The following COMMD10 variants were observed in gnomAD, a reference collection of about 807,000 sequenced individuals.
The protein encoded by COMMD10 is COMM domain containing 10, also known as COMM domain-containing protein 10.
Under a neutral mutation model 28.9 loss-of-function variants are expected in COMMD10, and 33 were observed. The ratio of observed to expected loss-of-function variants is 1.14; its 90% CI spans 0.87 to 1.53. COMMD10 has a LOEUF of 1.53. Among genes scored for constraint, COMMD10 ranks in the 40% most tolerant of loss-of-function variants. COMMD10 has a pLI of 0.00. For missense variants in COMMD10, 310 were observed against 233.4 expected (o/e 1.33, Z -2.14); for synonymous variants, 110 against 81.7 (o/e 1.35, Z -1.87).
intron 5 of COMMD10, among the ~76,000 whole-genome samples, chr5:116,171,349 G>C (rs573262921): frequency 7.9e-5 from 12 of 152,206 alleles, no homozygotes; most frequent in Non-Finnish European, 1.3e-4. Context: ...AGAGGGTGTG[G>C]AGAAATAGAA....
In COMMD10 at chr5:116,109,636, T is replaced by C. The variant is rs114414934; in HGVS notation, c.399+16936T>C. 3.0e-3 allele frequency among the ~76,000 whole-genome samples: 452 copies of C among 152,318 alleles called. 3 individuals are homozygous for C. Among genetic ancestry groups the C allele is most frequent in the African/African-American group, 0.01 (434 of 41,572 alleles). ...AAATTCCTATGTATTGTATTTTTCT[T>C]GTAGCCATTGTAAATGGGATTGTTT... On this transcript the variant is annotated intron_variant, in intron 4 of 6. Transcript: ENST00000274458.
chr5:116,085,028 C>G lies in COMMD10; in HGVS notation c.-25C>G, dbSNP rs201640787. On this transcript the variant is annotated 5_prime_UTR_variant, in exon 1 of 7. Transcript: ENST00000274458. ...GGCTGGGTTCGGCGCAGCTAACAGA[C>G]GGCGGCAGTGCGAGAAAGCCGAAGA... 48 of 1,601,794 alleles carry G rather than the reference C, an allele frequency of 3.0e-5. 2 individuals are homozygous for G. The African/African-American group carries it at 4.9e-4, about 16-fold the overall frequency.
chr5:116,088,486 T>C (rs943389143), intron 2 of COMMD10, among the ~76,000 whole-genome samples: 1 of 152,230 alleles, frequency 6.6e-6, no homozygotes, highest in Admixed American at 6.5e-5. Flanking sequence ...TTTTTTACAG[T>C]GTTCAAAGCC....
chr5:116,199,301 T>C (rs1748605279), intron 5 of COMMD10, among the ~76,000 whole-genome samples: 1 of 152,188 alleles, frequency 6.6e-6, no homozygotes, highest in South Asian at 2.1e-4. Flanking sequence ...ACTTTTAAGC[T>C]GTGTTTTCTT....
chr5:116,128,091 A>T (rs1376905417), intron 4 of COMMD10, among the ~76,000 whole-genome samples: 1 of 152,040 alleles, frequency 6.6e-6, no homozygotes, highest in Non-Finnish European at 1.5e-5. Flanking sequence ...CTGTTTTTAG[A>T]GAGCTTCTAG....
intron 5 of COMMD10, among the ~76,000 whole-genome samples, chr5:116,167,878 A>G (rs976589215): frequency 1.5e-4 from 23 of 152,322 alleles, no homozygotes; most frequent in Non-Finnish European, 2.1e-4. Context: ...CTGCAAAAAC[A>G]TACAAAATTG....
intron 5 of COMMD10, among the ~76,000 whole-genome samples, chr5:116,159,174 T>G (rs1306915266): frequency 6.6e-6 from 1 of 152,164 alleles, no homozygotes; most frequent in Admixed American, 6.5e-5. Flanking sequence ...TCCTTATAAC[T>G]CAAAGTGAAA....
intron 5 of COMMD10, among the ~76,000 whole-genome samples, chr5:116,214,403 CAAAG>C (rs1749046497): frequency 6.6e-6 from 1 of 151,834 alleles, no homozygotes; most frequent in African/African-American, 2.4e-5. Context: ...ATTCTGTCAC[CAAAG>C]AAAGAAGCAC....
chr5:116,139,457 A>C (rs1245242332), intron 5 of COMMD10, among the ~76,000 whole-genome samples: 1 of 151,756 alleles, frequency 6.6e-6, no homozygotes, highest in African/African-American at 2.4e-5. Flanking sequence ...TCAGAGAAAA[A>C]TATGTATGCT....
rs189946642 is a variant in COMMD10, at chr5:116,169,424, G to C, written c.510+35246G>C. Among the ~76,000 whole-genome samples the C allele has an allele frequency of 3.0e-3, 451 of 152,272 alleles. 3 individuals are homozygous for C. The highest frequency in any genetic ancestry group is 0.01 in the African/African-American group (432 of 41,556). ...AGCTGAATTCTACCAGAGATACAAA[G>C]AGGAGTTTCCTTCGGAAACTATTCT... is the stretch of plus-strand genomic sequence containing the variant. On this transcript the variant is annotated intron_variant, in intron 5 of 6. Coordinates refer to ENST00000274458, the MANE Select transcript of COMMD10 (RefSeq NM_016144.4).
At chr5:116,218,519 G>A (rs369302973) in intron 5 of COMMD10, among the ~76,000 whole-genome samples, 1 of 152,128 alleles carries the variant, frequency 6.6e-6, no homozygotes, top group Non-Finnish European at 1.5e-5. Flanking sequence ...TTCTAAGGAT[G>A]CTTCTTAATG....
chr5:116,103,530 G>C (rs562364824), intron 4 of COMMD10, among the ~76,000 whole-genome samples: 51 of 152,122 alleles, frequency 3.4e-4, no homozygotes, highest in Non-Finnish European at 6.9e-4. Context: ...TTGTAAATTT[G>C]TTTAAGTTCC....
chr5:116,219,497 C>G (rs1749190053), intron 5 of COMMD10, among the ~76,000 whole-genome samples: 1 of 152,040 alleles, frequency 6.6e-6, no homozygotes, highest in African/African-American at 2.4e-5. Flanking sequence ...GGAGATTTGA[C>G]ACAGACATAC....
At chr5:116,257,607 A>G (rs1441125635) in intron 5 of COMMD10, among the ~76,000 whole-genome samples, 2 of 151,644 alleles carry the variant, frequency 1.3e-5, no homozygotes, top group Non-Finnish European at 2.9e-5. Flanking sequence ...TTTTCTTAGC[A>G]GGGGGCCCTT....
At chr5:116,269,830 TC>T (rs1342407390) in intron 5 of COMMD10, among the ~76,000 whole-genome samples, 9 of 151,860 alleles carry the variant, frequency 5.9e-5, no homozygotes, top group African/African-American at 2.2e-4. Flanking sequence ...GTCTTACTTC[TC>T]TACCTTTTGT....
intron 5 of COMMD10, among the ~76,000 whole-genome samples, chr5:116,265,677 G>T (rs1196600274): frequency 4.0e-5 from 6 of 151,772 alleles, no homozygotes; most frequent in Non-Finnish European, 5.9e-5. Flanking sequence ...GACAGTGATT[G>T]CAAACACTTG....
rs192446333 is a variant in COMMD10 at position 116,113,518 on chromosome 5, T to C, written c.400-20550T>C. 1.9e-3 allele frequency among the ~76,000 whole-genome samples: 288 copies of C among 152,156 alleles called. 2 individuals carry two copies. Among genetic ancestry groups the C allele is most frequent in the African/African-American group, 6.6e-3 (272 of 41,512 alleles). ...CTTATTTTTAAAATTTTTATCAGAC[T>C]GCACTGTTTGAAAAGACCTGTCTTC... On this transcript the variant is annotated intron_variant, in intron 4 of 6. Coordinates refer to ENST00000274458, the MANE Select transcript of COMMD10 (RefSeq NM_016144.4).
chr5:116,092,752 TA>T (rs1750341879), intron 4 of COMMD10, 52 bp downstream of exon 4: 1 of 1,269,776 alleles, frequency 7.9e-7, no homozygotes, highest in Admixed American at 2.6e-5. Context: ...TGGCATAAAT[TA>T]TTATACCTGA....
At position 116,151,563 on chromosome 5, in the gene COMMD10, A is replaced by G. The variant is rs568915970; in HGVS notation, c.510+17385A>G. On this transcript the variant is annotated intron_variant, in intron 5 of 6. Transcript: ENST00000274458. The stretch of plus-strand genomic sequence containing the variant: ...TGTTATTGGTCTATTCAGAGAGTCA[A>G]CTTCTTCCTGGTTTAATCTTGGGAG... Among the ~76,000 whole-genome samples the G allele has an allele frequency of 3.2e-4, 48 of 152,280 alleles. No individual in the cohort carries two copies. In the East Asian group the frequency reaches 3.5e-3, roughly 11 times the overall value.
Sources: gnomAD v4.1 joint callset for allele counts (sites outside exome capture counted in the v4.1 genomes callset) on GRCh38, gnomAD v4.1.1 for gene constraint, MANE v1.5 for transcripts, NCBI Gene and HGNC (gene_info 2026-07-23, HGNC 2026-07-21) for gene names.